MRE11: variants seen among roughly 807,000 people sequenced by gnomAD.
MRE11 encodes the protein double-strand break repair protein MRE11.
Under a neutral mutation model 91.7 loss-of-function variants are expected in MRE11, and 62 were observed. The observed-to-expected ratio is 0.68, with a 90% CI of 0.55 to 0.84. The LOEUF (loss-of-function observed/expected upper bound fraction) is 0.84, where lower values mean the gene tolerates loss of function less well. Among genes scored for constraint, MRE11 ranks in the 40% least tolerant of loss-of-function variants. The probability of loss-of-function intolerance (pLI) is 0.00; values close to 1 mark genes in which losing one functional copy is unlikely to be tolerated. For synonymous variants in MRE11, 273 were observed against 271.4 expected (o/e 1.01, Z -0.06); for missense variants, 796 against 852.9 (o/e 0.93, Z 0.83).
At chr11:94,461,074 CATA>C (rs1180414821) in intron 11 of MRE11, 38 bp from the exon 12 acceptor site, 1 of 1,543,300 alleles carries the variant, frequency 6.5e-7, no homozygotes, top group Non-Finnish European at 8.9e-7. Flanking sequence ...TAGCTTCTAT[CATA>C]ATGTTAAAAT....
chr11:94,498,134 G>A (rs770961617), upstream of MRE11: 26 of 1,613,994 alleles, frequency 1.6e-5, no homozygotes, highest in East Asian at 2.2e-5. Context: ...GGATGAAGAT[G>A]AGTATACCCC....
intron 15 of MRE11, among the ~76,000 whole-genome samples, chr11:94,446,848 C>T (rs1039096072): frequency 3.3e-5 from 5 of 152,114 alleles, no homozygotes; most frequent in Non-Finnish European, 5.9e-5. Context: ...TGGAGTTTTC[C>T]TCCTGTTGCC....
chr11:94,469,662 G>A (rs1946656077), intron 9 of MRE11, among the ~76,000 whole-genome samples: 1 of 152,034 alleles, frequency 6.6e-6, no homozygotes, highest in Non-Finnish European at 1.5e-5. Flanking sequence ...CTTATCTAAG[G>A]TTCAGTTCCT....
Position 94,479,777 on chromosome 11 carries a change from T to C in MRE11, c.315-16A>G. The C allele has an allele frequency of 6.5e-7, 1 of 1,548,234 alleles. No individual in the cohort carries two copies. Among genetic ancestry groups the C allele is most frequent in the South Asian group, 1.1e-5 (1 of 89,220 alleles). On this transcript the variant is annotated splice_polypyrimidine_tract_variant and intron_variant, in intron 4 of 19. Transcript: ENST00000323929. ...CCATGGAAACCTTAAAAAAAAAAAG[T>C]TACTTAAAATTTCCATACGGGACAA...
At chr11:94,478,031 A>C (rs1007481896) in intron 6 of MRE11, among the ~76,000 whole-genome samples, 4 of 152,164 alleles carry the variant, frequency 2.6e-5, no homozygotes, top group African/African-American at 9.7e-5. Context: ...GTTTATAATG[A>C]AGAGCTGGGG....
At chr11:94,506,616 T>G in the MRE11 span, among the ~76,000 whole-genome samples, 1 of 147,604 alleles carries the variant, frequency 6.8e-6, no homozygotes, top group South Asian at 2.1e-4. Flanking sequence ...TGAGACAGGG[T>G]CTTGCTCTGT....
At chr11:94,465,402 T>G (rs922364493) in intron 10 of MRE11, among the ~76,000 whole-genome samples, 7 of 149,168 alleles carry the variant, frequency 4.7e-5, no homozygotes, top group African/African-American at 1.7e-4. Context: ...TCTCTTTTTT[T>G]TTTTTTTTTT....
At chr11:94,481,460 T>C (rs1164158485) in intron 4 of MRE11, among the ~76,000 whole-genome samples, 2 of 152,248 alleles carry the variant, frequency 1.3e-5, no homozygotes, top group South Asian at 2.1e-4. Context: ...GTTGCAAATA[T>C]TCTTCCTGAT....
chr11:94,501,335 T>A, the MRE11 span, among the ~76,000 whole-genome samples: 1 of 152,158 alleles, frequency 6.6e-6, no homozygotes, highest in Admixed American at 6.5e-5. Context: ...CTATTTTAGA[T>A]ACCTCATATA....
At chr11:94,466,695 C>A (rs1946573691) in intron 10 of MRE11, 1 of 198,440 alleles carries the variant, frequency 5.0e-6, no homozygotes, top group Non-Finnish European at 1.1e-5. Context: ...CAGTCTACAT[C>A]CCAGTACTTC....
At chr11:94,508,943 G>A in the MRE11 span, among the ~76,000 whole-genome samples, 1 of 152,008 alleles carries the variant, frequency 6.6e-6, no homozygotes, top group Non-Finnish European at 1.5e-5. Context: ...TGTATTTTTA[G>A]TAGAGACGGG....
intron 19 of MRE11, among the ~76,000 whole-genome samples, chr11:94,422,495 T>A (rs920241985): frequency 6.6e-6 from 1 of 151,654 alleles, no homozygotes; most frequent in African/African-American, 2.4e-5. Flanking sequence ...TCTTGGGATA[T>A]CATCATCATC....
At chr11:94,420,741 T>C (rs13447738) in intron 19 of MRE11, among the ~76,000 whole-genome samples, 2,602 of 152,242 alleles carry the variant, frequency 0.017, 85 homozygotes, top group African/African-American at 0.06. Context: ...ATTTCAAGAG[T>C]TCCCATGCTG....
At chr11:94,497,263 T>G, upstream of MRE11, 1 of 491,356 alleles carries the variant, frequency 2.0e-6, no homozygotes, top group Admixed American at 3.6e-5. Context: ...CTATACCAGG[T>G]ACCTTATTAC....
chr11:94,456,974 T>C (rs1325204967), intron 13 of MRE11, among the ~76,000 whole-genome samples: 2 of 152,204 alleles, frequency 1.3e-5, no homozygotes, highest in African/African-American at 4.8e-5. Flanking sequence ...CAATGTGCCA[T>C]ATATTATCGT....
chr11:94,462,859 C>T (rs575682142), intron 11 of MRE11, among the ~76,000 whole-genome samples: 1 of 152,260 alleles, frequency 6.6e-6, no homozygotes, highest in African/African-American at 2.4e-5. Flanking sequence ...CCATTCAGGA[C>T]AGAGGCATGA....
rs1318731789 is a variant in MRE11, at chr11:94,493,834, G to C, written c.-149C>G. The C allele has an allele frequency of 6.6e-6, 1 of 152,262 alleles. No individual in the cohort carries two copies. The highest frequency in any genetic ancestry group is 2.4e-5 in the African/African-American group (1 of 41,464). The allele number at this position is 152,262 out of a possible 1,614,324, so 9.4% of individuals were successfully genotyped here. A position where few individuals can be genotyped will look rare whatever the true frequency, so the allele number is the denominator to read the frequency against. On this transcript the variant is annotated 5_prime_UTR_variant, in exon 1 of 20. Transcript: ENST00000323929. ...CCGTAAACCTGAATTCCGCGGGAGA[G>C]AACGGCGTCCGTTTCTCTCGCGACA... is the stretch of plus-strand genomic sequence containing the variant.
At chr11:94,431,393 C>G (rs1945459327) in intron 18 of MRE11, among the ~76,000 whole-genome samples, 1 of 152,192 alleles carries the variant, frequency 6.6e-6, no homozygotes, top group Admixed American at 6.5e-5. Flanking sequence ...AAACATTCTG[C>G]AAAAACAGTC....
chr11:94,491,046 A>C, intron 2 of MRE11, 81 bp from the exon 3 acceptor site: 2 of 883,300 alleles, frequency 2.3e-6, no homozygotes, highest in Non-Finnish European at 3.5e-6. Flanking sequence ...AAACTTATAA[A>C]ATAAATAATA....
Sources: allele counts gnomAD v4.1 joint callset (sites outside exome capture counted in the v4.1 genomes callset), GRCh38; gene constraint gnomAD v4.1.1; transcripts MANE v1.5; gene names NCBI Gene and HGNC (gene_info 2026-07-23, HGNC 2026-07-21).